Variants in IZUMO1R observed in about 807,000 individuals in gnomAD.
The protein encoded by IZUMO1R is sperm-egg fusion protein Juno.
Under a neutral mutation model 22.1 loss-of-function variants are expected in IZUMO1R, and 24 were observed. That is an observed-to-expected ratio of 1.09 (90% CI 0.79 to 1.53). IZUMO1R has a LOEUF of 1.53. Ranked by LOEUF, IZUMO1R falls within the 40% of genes most tolerant of loss-of-function variation. The pLI, the probability that IZUMO1R is intolerant of heterozygous loss-of-function variation, is 0.00. For missense variants in IZUMO1R, 308 were observed against 314.9 expected, an observed-to-expected ratio of 0.98 and a Z score of 0.17; for synonymous variants, 133 against 121.2, an observed-to-expected ratio of 1.10 and a Z score of -0.64.
Position 94,307,749 on chromosome 11 carries a change from G to C in IZUMO1R, c.*57G>C. ...TGTCCACCAACTGTGGGTCAGGCCA[G>C]GCCATGGCCTACCTCCTTCCTCAGG... On this transcript the variant is annotated 3_prime_UTR_variant, in exon 5 of 5. Coordinates refer to ENST00000687084, the MANE Select transcript of IZUMO1R (RefSeq NM_001199206.4). The C allele has an allele frequency of 3.2e-6, 5 of 1,568,098 alleles. 1 individual carries two copies. In the South Asian group the frequency reaches 3.4e-5, roughly 11 times the overall value.
rs184165851 is a variant in IZUMO1R, at chr11:94,307,590, C to T, written c.651C>T (p.Asn217=). The change falls in exon 5 of 5, where the codon AAC becomes AAT. Residue 217 remains asparagine (N), a synonymous_variant. Transcript: ENST00000687084. The stretch of plus-strand genomic sequence containing the variant: ...AGTGGTTTGAGCCTGCTCAGGGCAA[C>T]CCCAATGTGGCCGTGGCCCGCCTCT... ...LQKWFEPAQG[N]PNVAVARLFA... 25 of 1,613,914 alleles carry T rather than the reference C, an allele frequency of 1.5e-5. No homozygotes were observed. In the East Asian group the frequency reaches 5.1e-4, roughly 33 times the overall value.
Position 94,305,641 on chromosome 11 carries a change from C to T in IZUMO1R, c.5C>T (p.Ala2Val). 6.2e-7 allele frequency: 1 copy of T among 1,612,842 alleles called. No individual in the cohort carries two copies. ...TGGGTCTCTCTGTAGCAGGCCATGGCATGCTGGTGGCCGCTCCTGCTAGAG... is the reference window on the plus strand; with the variant it reads ...TGGGTCTCTCTGTAGCAGGCCATGGTATGCTGGTGGCCGCTCCTGCTAGAG... M[A>V]CWWPLLLELW... The change falls in exon 2 of 5, where the codon GCA becomes GTA. Residue 2 changes from alanine to valine, a missense_variant. Transcript: ENST00000687084.
Position 94,307,618 on chromosome 11 carries a change from G to A in IZUMO1R, c.679G>A (p.Ala227Thr), listed in dbSNP as rs371721470. The A allele has an allele frequency of 6.9e-5, 111 of 1,613,690 alleles. 1 individual carries two copies. Among genetic ancestry groups the A allele is most frequent in the Middle Eastern group, 1.6e-4 (1 of 6,084 alleles). The change falls in exon 5 of 5, where the codon GCC becomes ACC. Residue 227 changes from alanine (A) to threonine (T), a missense_variant. Ala to Thr is a moderately conservative substitution (Grantham distance 58). Coordinates refer to ENST00000687084, the MANE Select transcript of IZUMO1R (RefSeq NM_001199206.4). Reference protein sequence around the residue: ...NPNVAVARLFASSAPSWELSY... With the variant: ...NPNVAVARLFTSSAPSWELSY... The stretch of plus-strand genomic sequence containing the variant: ...CAATGTGGCCGTGGCCCGCCTCTTC[G>A]CCAGCTCTGCCCCATCCTGGGAACT...
rs933950417 is a variant in IZUMO1R, at chr11:94,307,241, A to T, written c.425A>T (p.Asp142Val). The T allele has an allele frequency of 1.9e-6, 3 of 1,609,234 alleles. No individual in the cohort carries two copies. Among genetic ancestry groups the T allele is most frequent in the Non-Finnish European group, 1.7e-6 (2 of 1,177,922 alleles). The change falls in exon 4 of 5, where the codon GAC becomes GTC. Residue 142 changes from aspartate to valine, a missense_variant. Transcript: ENST00000687084. ...GAGGACTGTGAGGAGTGGTGGGAAG[A>T]CTGTCGCATGTCTTACACATGCAAA... ...CQEDCEEWWE[D>V]CRMSYTCKSN...
In IZUMO1R at chr11:94,306,986, A is replaced by G. The variant is rs75865585; in HGVS notation, c.349-179A>G. Among the ~76,000 whole-genome samples the G allele has an allele frequency of 9.6e-3, 1,466 of 152,296 alleles. 30 individuals carry two copies. Among genetic ancestry groups the G allele is most frequent in the African/African-American group, 0.034 (1,398 of 41,546 alleles). The stretch of plus-strand genomic sequence containing the variant: ...CTCATGTTCTGTCCCTACCAGCTGT[A>G]TAGCCCAGGACAAACTATTAAATCT... On this transcript the variant is annotated intron_variant, in intron 3 of 4. Coordinates refer to ENST00000687084, the MANE Select transcript of IZUMO1R (RefSeq NM_001199206.4).
At position 94,307,554 on chromosome 11, in the gene IZUMO1R, G is replaced by C; in HGVS notation, c.615G>C (p.Arg205=). Residue 205 remains arginine, a synonymous_variant, in exon 5 of 5, where the codon CGG becomes CGC. Coordinates refer to ENST00000687084, the MANE Select transcript of IZUMO1R (RefSeq NM_001199206.4). ...GCCCTGAGCGACGGAACAGTGGGCG[G>C]TGTCTCCAGAAGTGGTTTGAGCCTG... ...KASPERRNSG[R]CLQKWFEPAQ... The C allele has an allele frequency of 6.2e-7, 1 of 1,613,782 alleles. No individual in the cohort carries two copies. The highest frequency in any genetic ancestry group is 8.5e-7 in the Non-Finnish European group (1 of 1,179,874).
intron 3 of IZUMO1R, 124 bp downstream of exon 3, chr11:94,306,846 G>A: frequency 2.0e-6 from 2 of 1,024,898 alleles, no homozygotes; most frequent in Non-Finnish European, 1.4e-6. Flanking sequence ...ATGGACAAGA[G>A]CAGAGCCAGA....
chr11:94,307,814 T>C lies in IZUMO1R; in HGVS notation c.*122T>C, dbSNP rs1944039315. ...CAGTGGCATGGGCTAGGGACTGCAG[T>C]CCCACCCAGTCTAGCCCATGCCACT... is the stretch of plus-strand genomic sequence containing the variant. On this transcript the variant is annotated 3_prime_UTR_variant, in exon 5 of 5. Coordinates refer to ENST00000687084, the MANE Select transcript of IZUMO1R (RefSeq NM_001199206.4). 1.1e-5 allele frequency: 4 copies of C among 366,088 alleles called. No homozygotes were observed. The highest frequency in any genetic ancestry group is 1.7e-5 in the Non-Finnish European group (4 of 234,278). 22.7% of individuals were successfully genotyped at this position (366,088 alleles called of 1,614,324 possible). A position where few individuals can be genotyped will look rare whatever the true frequency, so the allele number is the denominator to read the frequency against.
Position 94,307,277 on chromosome 11 carries a change from G to C in IZUMO1R, c.461G>C (p.Arg154Pro). The change falls in exon 4 of 5, where the codon CGT becomes CCT. Residue 154 changes from arginine to proline, a missense_variant. Physicochemically the swap from Arg to Pro is moderately radical, Grantham distance 103. Coordinates refer to ENST00000687084, the MANE Select transcript of IZUMO1R (RefSeq NM_001199206.4). ...TCTTACACATGCAAATCCAACTGGC[G>C]TGGTGGCTGGGACTGGAGTCAGGGT... is the stretch of plus-strand genomic sequence containing the variant. ...RMSYTCKSNW[R>P]GGWDWSQGKN... is the part of the protein sequence containing the mutation. 1 of 1,612,728 alleles carries C rather than the reference G, an allele frequency of 6.2e-7. No individual in the cohort carries two copies.
In IZUMO1R at chr11:94,306,511, A is replaced by G. The variant is rs201711695; in HGVS notation, c.139-2A>G. The stretch of plus-strand genomic sequence containing the variant: ...GCCTTTTGTTTCTTCCTCTGCCTTC[A>G]GTGCATCCCCTGGAAGGACAATGCC... On this transcript the variant is annotated splice_acceptor_variant, in intron 2 of 4. Coordinates refer to ENST00000687084, the MANE Select transcript of IZUMO1R (RefSeq NM_001199206.4). LOFTEE classifies it high-confidence loss of function. The G allele has an allele frequency of 1.4e-3, 2,271 of 1,613,604 alleles. 2 individuals carry two copies. Among genetic ancestry groups the G allele is most frequent in the Non-Finnish European group, 1.8e-3 (2,082 of 1,179,652 alleles).
Position 94,306,711 on chromosome 11 carries a change from C to G in IZUMO1R, c.337C>G (p.Leu113Val). Residue 113 changes from leucine (L) to valine (V), a missense_variant, in exon 3 of 5, where the codon CTG becomes GTG. Coordinates refer to ENST00000687084, the MANE Select transcript of IZUMO1R (RefSeq NM_001199206.4). ...GCCCTGGATCCAGCCAGTGGGAAGC[C>G]TGGGGTGGGAGGTAGGAAGCAGATC... is the stretch of plus-strand genomic sequence containing the variant. ...LGPWIQPVGS[L>V]GWEVAPSGQG... is the part of the protein sequence containing the mutation. The G allele has an allele frequency of 6.2e-7, 1 of 1,613,888 alleles. No individual in the cohort carries two copies. Among genetic ancestry groups the G allele is most frequent in the African/African-American group, 1.3e-5 (1 of 75,032 alleles).
Position 94,306,788 on chromosome 11 carries a change from T to C in IZUMO1R, c.348+66T>C, listed in dbSNP as rs868212052. ...CAGCCAGAGCTTTCACCCGATCTTATGCTGATGCCGCCAGGATGCTAGTAG... is the reference window on the plus strand; with the variant it reads ...CAGCCAGAGCTTTCACCCGATCTTACGCTGATGCCGCCAGGATGCTAGTAG... On this transcript the variant is annotated intron_variant, in intron 3 of 4. Transcript: ENST00000687084. 225 of 1,489,968 alleles carry C rather than the reference T, an allele frequency of 1.5e-4. 1 individual carries two copies. In the Middle Eastern group the frequency reaches 6.2e-3, roughly 41 times the overall value. The allele number at this position is 1,489,968 out of a possible 1,614,324, so 92.3% of individuals were successfully genotyped here.
Position 94,307,179 on chromosome 11 carries a change from G to A in IZUMO1R, c.363G>A (p.Gly121=). The part of the protein sequence containing the change: ...GSLGWEVAPS[G]QGERVVNVPL... ...ACTGCACCCAGGTGGCCCCGAGTGG[G>A]CAGGGAGAGCGAGTTGTGAATGTGC... is the stretch of plus-strand genomic sequence containing the variant. Residue 121 remains glycine (G), a synonymous_variant, in exon 4 of 5, where the codon GGG becomes GGA. Coordinates refer to ENST00000687084, the MANE Select transcript of IZUMO1R (RefSeq NM_001199206.4). The A allele has an allele frequency of 6.3e-7, 1 of 1,598,370 alleles. No individual in the cohort carries two copies. Among genetic ancestry groups the A allele is most frequent in the Non-Finnish European group, 8.5e-7 (1 of 1,172,456 alleles).
chr11:94,306,930 C>T (rs1944027563), intron 3 of IZUMO1R, among the ~76,000 whole-genome samples: 1 of 152,262 alleles, frequency 6.6e-6, no homozygotes, highest in African/African-American at 2.4e-5. Context: ...CCACAGGAGG[C>T]TTGGTGGAGT....
Position 94,307,213 on chromosome 11 carries a change from CAGG to C in IZUMO1R, c.402_404del (p.Glu134del). On this transcript the variant is annotated inframe_deletion, in exon 4 of 5. Transcript: ENST00000687084. ...GCGAGTTGTGAATGTGCCGCTGTGCCAGGAGGACTGTGAGGAGTGGTGGGAAGA... is the reference window on the plus strand; with the variant it reads ...GCGAGTTGTGAATGTGCCGCTGTGCCAGGACTGTGAGGAGTGGTGGGAAGA... 6.2e-7 allele frequency: 1 copy of C among 1,605,830 alleles called. No individual in the cohort carries two copies. Among genetic ancestry groups the C allele is most frequent in the Non-Finnish European group, 8.5e-7 (1 of 1,176,248 alleles).
rs762264181 is a variant in IZUMO1R at position 94,307,512 on chromosome 11, C to A, written c.573C>A (p.Ser191Arg). ...CTGACCTGTGTGAGAAGACTTGGAG[C>A]AATTCCTTCAAAGCCAGCCCTGAGC... is the stretch of plus-strand genomic sequence containing the variant. ...TPADLCEKTWSNSFKASPERR... is the reference protein window; with the variant it reads ...TPADLCEKTWRNSFKASPERR... Residue 191 changes from serine (S) to arginine (R), a missense_variant, in exon 5 of 5, where the codon AGC becomes AGA. Transcript: ENST00000687084. The A allele has an allele frequency of 4.3e-6, 7 of 1,613,686 alleles. No homozygotes were observed. In the Admixed American group the frequency reaches 5.0e-5, roughly 12 times the overall value.
chr11:94,307,373 G>A (rs1042605461), intron 4 of IZUMO1R, 51 bp from the exon 5 acceptor site: 56 of 1,612,014 alleles, frequency 3.5e-5, no homozygotes, highest in Non-Finnish European at 4.6e-5. Flanking sequence ...AGGTGCAAAG[G>A]CTAGCAATGA....
rs562031007 is a variant in IZUMO1R at position 94,307,135 on chromosome 11, G to A, written c.349-30G>A. The A allele has an allele frequency of 3.6e-5, 56 of 1,573,248 alleles. 1 individual carries two copies. In the South Asian group the frequency reaches 5.4e-4, roughly 15 times the overall value. On this transcript the variant is annotated intron_variant, in intron 3 of 4. Coordinates refer to ENST00000687084, the MANE Select transcript of IZUMO1R (RefSeq NM_001199206.4). ...TAGTCTTCACATCTCTGCTATTAAT[G>A]TTCTAATCTCTGGCTATGACTGCAC...
Position 94,305,667 on chromosome 11 carries a change from C to G in IZUMO1R, c.31C>G (p.Leu11Val), listed in dbSNP as rs918609697. 29 of 1,613,214 alleles carry G rather than the reference C, an allele frequency of 1.8e-5. No homozygotes were observed. Among genetic ancestry groups the G allele is most frequent in the Non-Finnish European group, 2.4e-5 (28 of 1,179,772 alleles). ...ATGCTGGTGGCCGCTCCTGCTAGAG[C>G]TGTGGACAGTCATGCCCACCTGGGC... is the stretch of plus-strand genomic sequence containing the variant. MACWWPLLLE[L>V]WTVMPTWAGD... The change falls in exon 2 of 5, where the codon CTG (leucine) becomes GTG (valine). Residue 11 changes from leucine to valine, a missense_variant. Leu to Val is a conservative substitution (Grantham distance 32, BLOSUM62 1). Transcript: ENST00000687084.
Sources: allele counts gnomAD v4.1 joint callset (sites outside exome capture counted in the v4.1 genomes callset), GRCh38; gene constraint gnomAD v4.1.1; transcripts MANE v1.5; gene names NCBI Gene and HGNC (gene_info 2026-07-23, HGNC 2026-07-21).